Variants in LMF1 observed in about 807,000 individuals in gnomAD.
LMF1 encodes the protein lipase maturation factor 1, also known as transmembrane protein 112.
In LMF1, 68 loss-of-function variants were observed where a neutral mutation model predicts 60.6. The observed-to-expected ratio is 1.12, with a 90% CI of 0.92 to 1.37. LMF1 has a LOEUF of 1.37. Among genes scored for constraint, LMF1 ranks in the 40% most tolerant of loss-of-function variants. The pLI is 0.00. For synonymous variants in LMF1, 418 were observed against 324.7 expected (o/e 1.29, Z -3.09); for missense variants, 948 against 767.2 (o/e 1.24, Z -2.78).
At chr16:911,213 G>T (rs1416035723) in intron 3 of LMF1, 134 bp from the exon 4 acceptor site, 2 of 1,008,112 alleles carry the variant, frequency 2.0e-6, no homozygotes, top group East Asian at 2.6e-5. Context: ...ACACCAGCCC[G>T]CACGTATTAG....
intron 10 of LMF1, among the ~76,000 whole-genome samples, chr16:862,779 G>C (rs2069501624): frequency 6.6e-6 from 1 of 152,154 alleles, no homozygotes; most frequent in Non-Finnish European, 1.5e-5. Flanking sequence ...GATAATTTGA[G>C]CTGAGGAGGT....
At chr16:952,125 C>A (rs1374669241) in intron 2 of LMF1, among the ~76,000 whole-genome samples, 1 of 152,170 alleles carries the variant, frequency 6.6e-6, no homozygotes, top group African/African-American at 2.4e-5. Context: ...CATCCCCAGG[C>A]CTCCTGCCCT....
intron 1 of LMF1, among the ~76,000 whole-genome samples, chr16:965,503 C>A (rs575924694): frequency 6.6e-6 from 1 of 152,146 alleles, no homozygotes; most frequent in South Asian, 2.1e-4. Context: ...AGCAGGAGGG[C>A]AAGGCACTGA....
rs1158246154 is a variant in LMF1, at chr16:868,986, G to T, written c.1487C>A (p.Ser496Tyr). Residue 496 changes from serine (S) to tyrosine (Y), a missense_variant, in exon 10 of 11, where the codon TCC becomes TAC. Transcript: ENST00000262301. Reference sequence around the variant, plus strand: ...CGCGAAGGGGTTGTGTGCCAGCAGGGACAAGGCCTCGGCGTCGCTGGCCAG... The same window carrying T: ...CGCGAAGGGGTTGTGTGCCAGCAGGTACAAGGCCTCGGCGTCGCTGGCCAG... ...KLLASDAEAL[S>Y]LLAHNPFAGR... is the part of the protein sequence containing the mutation. 1 of 1,612,480 alleles carries T rather than the reference G, an allele frequency of 6.2e-7. No individual in the cohort carries two copies. The highest frequency in any genetic ancestry group is 2.2e-5 in the East Asian group (1 of 44,860).
At chr16:887,686 A>C (rs963445229) in intron 5 of LMF1, among the ~76,000 whole-genome samples, 5 of 152,194 alleles carry the variant, frequency 3.3e-5, no homozygotes, top group Admixed American at 2.6e-4. Context: ...CCTAGCATGA[A>C]TGGCCTCTAG....
intron 10 of LMF1, among the ~76,000 whole-genome samples, chr16:856,582 C>G (rs1439820050): frequency 6.6e-6 from 1 of 152,232 alleles, no homozygotes; most frequent in Non-Finnish European, 1.5e-5. Context: ...CTGCTCCTTC[C>G]CAGGACAGGG....
At chr16:973,500 A>G (rs938671757), upstream of LMF1, among the ~76,000 whole-genome samples, 2 of 152,216 alleles carry the variant, frequency 1.3e-5, no homozygotes, top group Non-Finnish European at 2.9e-5. Flanking sequence ...GGGCAAAGCC[A>G]CGGGGAAAGG....
At chr16:917,769 G>A (rs1047532062) in intron 3 of LMF1, among the ~76,000 whole-genome samples, 3 of 152,196 alleles carry the variant, frequency 2.0e-5, no homozygotes, top group Non-Finnish European at 4.4e-5. Context: ...GTGCTCGCCC[G>A]GCACCCCCGG....
At chr16:951,442 G>A (rs992613177) in intron 2 of LMF1, among the ~76,000 whole-genome samples, 3 of 152,214 alleles carry the variant, frequency 2.0e-5, no homozygotes, top group East Asian at 1.9e-4. Context: ...GGGCTCCAGC[G>A]TCCTGCAAGG....
intron 5 of LMF1, among the ~76,000 whole-genome samples, chr16:880,727 C>A (rs991771064): frequency 6.6e-6 from 1 of 152,250 alleles, no homozygotes. Flanking sequence ...GGAGTGAGAA[C>A]ACCCCACTGG....
chr16:972,582 T>C (rs2073070510), upstream of LMF1, among the ~76,000 whole-genome samples: 1 of 152,316 alleles, frequency 6.6e-6, no homozygotes, highest in Admixed American at 6.5e-5. Context: ...GAGCGGGCCC[T>C]GTCTGGGTGC....
chr16:933,647 C>A, intron 3 of LMF1: 1 of 230,820 alleles, frequency 4.3e-6, no homozygotes, highest in Non-Finnish European at 8.7e-6. Context: ...GTCATCCTTC[C>A]CAAGGTCCTG....
chr16:889,744 G>C (rs943413454), intron 5 of LMF1, among the ~76,000 whole-genome samples: 1 of 152,204 alleles, frequency 6.6e-6, no homozygotes, highest in African/African-American at 2.4e-5. Context: ...CCACCTTCCG[G>C]AATCAGGTCC....
chr16:917,535 G>A (rs1273521513), intron 3 of LMF1, among the ~76,000 whole-genome samples: 1 of 151,640 alleles, frequency 6.6e-6, no homozygotes, highest in Non-Finnish European at 1.5e-5. Flanking sequence ...GTGGGCGGGC[G>A]CAGGCCCACG....
At position 954,603 on chromosome 16, in the gene LMF1, G is replaced by T. The variant is rs1269525472; in HGVS notation, c.257C>A (p.Pro86His). ...GAAGTTCTTCAGGAACACTCTGCAG[G>T]GAAGCAGCCCCCTGTCACCGATGAG... ...KQLIGDRGLLPCRVFLKNFQQ... is the reference protein window; with the variant it reads ...KQLIGDRGLLHCRVFLKNFQQ... Residue 86 changes from proline (P) to histidine (H), a missense_variant, in exon 2 of 11, where the codon CCC becomes CAC. Transcript: ENST00000262301. 6 of 1,611,026 alleles carry T rather than the reference G, an allele frequency of 3.7e-6. No homozygotes were observed. The highest frequency in any genetic ancestry group is 3.3e-4 in the Middle Eastern group (2 of 6,052).
intron 1 of LMF1, among the ~76,000 whole-genome samples, chr16:969,507 ACAAC>A (rs2072995756): frequency 6.6e-6 from 1 of 152,212 alleles, no homozygotes; most frequent in Admixed American, 6.5e-5. Context: ...TCACTCCAGC[ACAAC>A]CAGGCTACCA....
At position 954,473 on chromosome 16, in the gene LMF1, C is replaced by T. The variant is rs770508781; in HGVS notation, c.387G>A (p.Leu129=). Residue 129 remains leucine (L), a synonymous_variant, in exon 2 of 11, where the codon CTG becomes CTA. Transcript: ENST00000262301. The part of the protein sequence containing the change: ...WSDMNSNLDL[L]ALLGLGISSF... ...ACGAGATGCCCAGTCCGAGAAGAGC[C>T]AGCAAGTCCAGGTTGGAGTTCATGT... is the stretch of plus-strand genomic sequence containing the variant. 1.9e-6 allele frequency: 3 copies of T among 1,612,718 alleles called. No homozygotes were observed. The highest frequency in any genetic ancestry group is 2.5e-6 in the Non-Finnish European group (3 of 1,179,536).
At chr16:915,850 C>A (rs376347523) in intron 3 of LMF1, among the ~76,000 whole-genome samples, 1 of 151,898 alleles carries the variant, frequency 6.6e-6, no homozygotes, top group Non-Finnish European at 1.5e-5. Context: ...ATGCAGGGGC[C>A]GGAGCACGTG....
Position 913,423 on chromosome 16 carries a change from G to A in LMF1, c.515-2344C>T, listed in dbSNP as rs1041969904. On this transcript the variant is annotated intron_variant, in intron 3 of 10. Transcript: ENST00000262301. ...GTGCACGGTCCAGGGAGATGCTCCT[G>A]AGCCCTGCCCGCTGGACAGGGTGCG... Among the ~76,000 whole-genome samples the A allele has an allele frequency of 4.6e-5, 7 of 152,362 alleles. 1 individual carries two copies. In the South Asian group the frequency reaches 1.4e-3, roughly 32 times the overall value.
Sources: allele counts gnomAD v4.1 joint callset (sites outside exome capture counted in the v4.1 genomes callset), GRCh38; gene constraint gnomAD v4.1.1; transcripts MANE v1.5; gene names NCBI Gene and HGNC (gene_info 2026-07-23, HGNC 2026-07-21).